The following UTY variants were observed in gnomAD, a reference collection of about 807,000 sequenced individuals.
UTY encodes the protein ubiquitously transcribed tetratricopeptide repeat containing, Y-linked, also known as histone demethylase UTY.
UTY carries 12 observed loss-of-function variants against 32.5 expected under a neutral mutation model. That is an observed-to-expected ratio of 0.37 (90% confidence interval 0.24 to 0.60). UTY has a LOEUF of 0.60. Among genes scored for constraint, UTY ranks in the 20% least tolerant of loss-of-function variants. The pLI is 0.69. For missense variants in UTY, 303 were observed against 299.2 expected (o/e 1.01, Z -0.09); for synonymous variants, 131 against 103.4 (o/e 1.27, Z -1.62).
At chrY:13,361,998 G>A (rs2063591816) in intron 10 of UTY, among the ~76,000 whole-genome samples, 1 of 33,394 alleles carries the variant, frequency 3.0e-5, no homozygotes, top group Non-Finnish European at 7.4e-5. Context: ...CAGAAAGAAT[G>A]TGAATATGAA....
chrY:13,332,236 C>A (rs2060744043), intron 18 of UTY, among the ~76,000 whole-genome samples: 1 of 33,868 alleles, frequency 3.0e-5, no homozygotes, highest in Non-Finnish European at 7.3e-5. Flanking sequence ...GGACTCCTCC[C>A]TAACTCACTT....
At chrY:13,324,145 A>G (rs2060024939) in intron 20 of UTY, among the ~76,000 whole-genome samples, 1 of 33,137 alleles carries the variant, frequency 3.0e-5, no homozygotes, top group Non-Finnish European at 7.4e-5. Context: ...ATAGGGATAA[A>G]CCATCCTAGC....
intron 27 of UTY, among the ~76,000 whole-genome samples, chrY:13,297,083 C>A (rs2148711202): frequency 3.0e-5 from 1 of 33,453 alleles, no homozygotes; most frequent in Non-Finnish European, 7.4e-5. Flanking sequence ...AAAGAAATGC[C>A]CAAGGCAGGG....
intron 27 of UTY, among the ~76,000 whole-genome samples, chrY:13,295,407 G>A (rs984688668): frequency 6.0e-5 from 2 of 33,197 alleles, no homozygotes; most frequent in Non-Finnish European, 1.5e-4. Flanking sequence ...ACACTCCCCA[G>A]GAGACCCCCA....
intron 17 of UTY, among the ~76,000 whole-genome samples, chrY:13,349,380 G>C: frequency 3.1e-5 from 1 of 32,345 alleles, no homozygotes; most frequent in African/African-American, 1.2e-4. Flanking sequence ...CAGCCAAAAG[G>C]TAAAGTCTCA....
chrY:13,291,790 C>T (rs2057773633), intron 27 of UTY, among the ~76,000 whole-genome samples: 1 of 33,677 alleles, frequency 3.0e-5, no homozygotes, highest in Non-Finnish European at 7.4e-5. Flanking sequence ...CCAATATATG[C>T]AAATCAATCA....
chrY:13,412,131 A>C, intron 5 of UTY, among the ~76,000 whole-genome samples: 1 of 34,113 alleles, frequency 2.9e-5, no homozygotes, highest in Non-Finnish European at 7.3e-5. Context: ...GTGTATTTTG[A>C]ATATTTTTAC....
At chrY:13,408,222 G>C in intron 6 of UTY, among the ~76,000 whole-genome samples, 1 of 31,828 alleles carries the variant, frequency 3.1e-5, no homozygotes, top group Non-Finnish European at 7.8e-5. Flanking sequence ...TATTTATTGA[G>C]CAGTTAGTTA....
At chrY:13,424,972 C>A in intron 4 of UTY, among the ~76,000 whole-genome samples, 5 of 33,517 alleles carry the variant, frequency 1.5e-4, no homozygotes. Context: ...AGAAAGTAGT[C>A]ACAAACCACA....
chrY:13,347,724 C>CA (rs2062040484), intron 17 of UTY, among the ~76,000 whole-genome samples: 8 of 27,812 alleles, frequency 2.9e-4, no homozygotes, highest in African/African-American at 4.2e-4. Flanking sequence ...GACTCTGTCT[C>CA]AAAAAAAAAA....
intron 4 of UTY, among the ~76,000 whole-genome samples, chrY:13,418,958 A>T: frequency 3.0e-5 from 1 of 33,361 alleles, no homozygotes; most frequent in Non-Finnish European, 7.4e-5. Flanking sequence ...GTTAATCTAG[A>T]TATCTGCCTT....
chrY:13,263,960 G>A (rs2148468307), intron 27 of UTY, among the ~76,000 whole-genome samples: 1 of 33,594 alleles, frequency 3.0e-5, no homozygotes, highest in South Asian at 6.7e-4. Context: ...CCTGGTGTGT[G>A]ATGTTCCCCT....
intron 3 of UTY, among the ~76,000 whole-genome samples, chrY:13,451,629 G>A (rs2076321591): frequency 6.1e-5 from 2 of 33,036 alleles, no homozygotes; most frequent in Non-Finnish European, 1.5e-4. Flanking sequence ...AACTTAGAAC[G>A]GGATCTGTGT....
chrY:13,240,943 T>C, intron 28 of UTY, among the ~76,000 whole-genome samples: 1 of 25,576 alleles, frequency 3.9e-5, no homozygotes, highest in African/African-American at 1.6e-4. Context: ...CAGTGAGCCA[T>C]GAATAACCCA....
chrY:13,284,896 T>G, intron 27 of UTY, among the ~76,000 whole-genome samples: 1 of 34,507 alleles, frequency 2.9e-5, no homozygotes, highest in Non-Finnish European at 7.3e-5. Flanking sequence ...AGGCCCTGAT[T>G]GTCCCCCTTC....
Position 13,323,772 on chromosome Y carries a change from A to G in UTY, c.3071-12T>C. 1 of 359,358 alleles carries G rather than the reference A, an allele frequency of 2.8e-6. No individual in the cohort carries two copies. Among genetic ancestry groups the G allele is most frequent in the Non-Finnish European group, 4.0e-6 (1 of 251,832 alleles). The allele number at this position is 359,358 out of a possible 400,897, so 89.6% of individuals were successfully genotyped here. Reference sequence around the variant, plus strand: ...GAAAAGTCCAAGATCTTTAAAAATAATAAGTTTTGTTAATCAGTAAAGTTG... The same window carrying G: ...GAAAAGTCCAAGATCTTTAAAAATAGTAAGTTTTGTTAATCAGTAAAGTTG... On this transcript the variant is annotated splice_polypyrimidine_tract_variant and intron_variant, in intron 20 of 29. Coordinates refer to ENST00000545955, the MANE Select transcript of UTY (RefSeq NM_001258249.2).
intron 27 of UTY, among the ~76,000 whole-genome samples, chrY:13,288,406 G>A: frequency 7.1e-5 from 2 of 28,043 alleles, no homozygotes; most frequent in African/African-American, 1.4e-4. Flanking sequence ...GAATTCCACC[G>A]GGACTGGACG....
chrY:13,329,844 T>C, intron 18 of UTY, among the ~76,000 whole-genome samples: 1 of 33,645 alleles, frequency 3.0e-5, no homozygotes, highest in Non-Finnish European at 7.4e-5. Context: ...AGTAGCACAA[T>C]ATAGCAAGTC....
chrY:13,410,933 A>G, intron 6 of UTY, 60 bp downstream of exon 6: 1 of 380,811 alleles, frequency 2.6e-6, no homozygotes, highest in East Asian at 9.5e-5. Flanking sequence ...GCATGCGCAC[A>G]TGTGCATGCA....
Sources: allele counts gnomAD v4.1 joint callset (sites outside exome capture counted in the v4.1 genomes callset), GRCh38; gene constraint gnomAD v4.1.1; transcripts MANE v1.5; gene names NCBI Gene and HGNC (gene_info 2026-07-23, HGNC 2026-07-21).